The following YBEY variants were observed in gnomAD, a reference collection of about 807,000 sequenced individuals.
YBEY encodes the protein ybeY metalloendoribonuclease, also known as endoribonuclease YbeY.
Under a neutral mutation model 13.5 loss-of-function variants are expected in YBEY, and 15 were observed. That is an observed-to-expected ratio of 1.11 (90% confidence interval 0.75 to 1.72). The LOEUF is 1.72. Among genes scored for constraint, YBEY ranks in the 40% most tolerant of loss-of-function variants. YBEY has a pLI of 0.00. For missense variants in YBEY, 244 were observed against 208.4 expected (o/e 1.17, Z -1.05); for synonymous variants, 101 against 83.1 (o/e 1.21, Z -1.17).
the YBEY span, chr21:46,312,909 C>A: frequency 1.3e-6 from 1 of 752,800 alleles, no homozygotes; most frequent in Non-Finnish European, 1.6e-6. Flanking sequence ...ATATAGAACA[C>A]GTCATGAAAA....
At chr21:46,291,484 A>C in intron 3 of YBEY, 22 bp downstream of exon 3, 1 of 1,612,960 alleles carries the variant, frequency 6.2e-7, no homozygotes, top group African/African-American at 1.3e-5. Context: ...TGCTGAAATC[A>C]TATAACCTGG....
intron 2 of YBEY, among the ~76,000 whole-genome samples, chr21:46,289,808 G>A (rs1284398356): frequency 6.6e-6 from 1 of 152,176 alleles, no homozygotes; most frequent in East Asian, 1.9e-4. Flanking sequence ...ATGATCCTTG[G>A]TTGCAAAGAT....
the YBEY span, among the ~76,000 whole-genome samples, chr21:46,303,908 C>T: frequency 5.4e-5 from 8 of 148,248 alleles, no homozygotes; most frequent in African/African-American, 2.0e-4. Flanking sequence ...CCCGCCACTG[C>T]GCCCGGCTAA....
At chr21:46,304,929 A>C in the YBEY span, among the ~76,000 whole-genome samples, 1 of 152,250 alleles carries the variant, frequency 6.6e-6, no homozygotes, top group Admixed American at 6.5e-5. Flanking sequence ...AGGACATCAC[A>C]CTAAGCGAAA....
rs781359726 is a variant in YBEY at position 46,287,052 on chromosome 21, A to C, written c.139A>C (p.Ile47Leu). Residue 47 changes from isoleucine to leucine, a missense_variant, in exon 2 of 5, where the codon ATT (isoleucine) becomes CTT (leucine). By Grantham distance (5) the Ile-to-Leu change is conservative. Transcript: ENST00000397701. Reference protein sequence around the residue: ...LGIICVDNKNIQHINRIYRDR... With the variant: ...LGIICVDNKNLQHINRIYRDR... ...GATCATCTGTGTTGACAACAAGAATATTCAGCACATTAATAGAATCTACAG... is the reference window on the plus strand; with the variant it reads ...GATCATCTGTGTTGACAACAAGAATCTTCAGCACATTAATAGAATCTACAG... 1 of 1,614,050 alleles carries C rather than the reference A, an allele frequency of 6.2e-7. No homozygotes were observed. The highest frequency in any genetic ancestry group is 8.5e-7 in the Non-Finnish European group (1 of 1,180,006).
the YBEY span, chr21:46,311,420 C>T: frequency 4.7e-6 from 6 of 1,283,394 alleles, no homozygotes; most frequent in African/African-American, 1.5e-5. Flanking sequence ...TAGATAATTT[C>T]CTCAACCCAC....
chr21:46,286,909 C>T lies in YBEY; in HGVS notation c.-5C>T. On this transcript the variant is annotated 5_prime_UTR_variant, in exon 2 of 5. Transcript: ENST00000397701. ...ATTTTTAAAGGGCTGGTTATTCTTCCTGAAATGAGTTTGGTGATTAGAAAT... is the reference window on the plus strand; with the variant it reads ...ATTTTTAAAGGGCTGGTTATTCTTCTTGAAATGAGTTTGGTGATTAGAAAT... 2.5e-6 allele frequency: 4 copies of T among 1,613,656 alleles called. No individual in the cohort carries two copies. Among genetic ancestry groups the T allele is most frequent in the Non-Finnish European group, 3.4e-6 (4 of 1,179,870 alleles).
downstream of YBEY, chr21:46,302,366 G>T: frequency 1.9e-6 from 2 of 1,079,034 alleles, no homozygotes; most frequent in Non-Finnish European, 2.7e-6. Context: ...TTCACAGCCA[G>T]ACTGTAGACC....
intron 3 of YBEY, among the ~76,000 whole-genome samples, chr21:46,294,737 G>A (rs1479536874): frequency 6.7e-6 from 1 of 148,602 alleles, no homozygotes; most frequent in South Asian, 2.2e-4. Context: ...TTTTGCACAG[G>A]TGGTTTCAGC....
downstream of YBEY, among the ~76,000 whole-genome samples, chr21:46,298,665 G>A (rs1222734507): frequency 2.6e-5 from 4 of 151,754 alleles, no homozygotes; most frequent in Admixed American, 2.0e-4. Flanking sequence ...TCCTGACCTC[G>A]TGATCCGCCC....
chr21:46,309,617 C>T, the YBEY span, among the ~76,000 whole-genome samples: 4 of 152,206 alleles, frequency 2.6e-5, no homozygotes, highest in East Asian at 5.8e-4. Context: ...ATACACCCAA[C>T]GACAGTGATG....
At chr21:46,302,012 G>C (rs376835131), downstream of YBEY, 24 of 1,532,434 alleles carry the variant, frequency 1.6e-5, no homozygotes, top group African/African-American at 2.5e-4. Context: ...GGGTGGGCCA[G>C]GCGTCCACAG....
the YBEY span, among the ~76,000 whole-genome samples, chr21:46,306,484 C>T: frequency 3.3e-5 from 5 of 151,964 alleles, no homozygotes; most frequent in African/African-American, 7.3e-5. Context: ...GGCAACAGAG[C>T]GACACTCCCA....
downstream of YBEY, among the ~76,000 whole-genome samples, chr21:46,298,929 C>T (rs1300401442): frequency 6.6e-6 from 1 of 151,844 alleles, no homozygotes; most frequent in African/African-American, 2.4e-5. Flanking sequence ...GCTGTGTTGA[C>T]CAGGCTGGGC....
chr21:46,301,898 A>C (rs1049798301), downstream of YBEY: 3 of 1,338,318 alleles, frequency 2.2e-6, no homozygotes, highest in East Asian at 9.0e-5. Flanking sequence ...GGGTGGTGGC[A>C]GGGTCTCTCC....
chr21:46,289,773 A>G (rs2081618964), intron 2 of YBEY, among the ~76,000 whole-genome samples: 1 of 152,198 alleles, frequency 6.6e-6, no homozygotes, highest in Non-Finnish European at 1.5e-5. Flanking sequence ...TTTTTAAAGG[A>G]AAAAAACATA....
In YBEY at chr21:46,287,104, TTTC is replaced by T; in HGVS notation, c.194_196del (p.Ser65del). The T allele has an allele frequency of 6.2e-7, 1 of 1,605,112 alleles. No homozygotes were observed. The highest frequency in any genetic ancestry group is 1.3e-5 in the African/African-American group (1 of 74,230). Reference sequence around the variant, plus strand: ...GATAGAAATGTCCCAACCGATGTGCTTTCTTTTCCATTTCATGAGGTAAAAAAA... The same window carrying T: ...GATAGAAATGTCCCAACCGATGTGCTTTTTCCATTTCATGAGGTAAAAAAA... On this transcript the variant is annotated inframe_deletion, in exon 2 of 5. Coordinates refer to ENST00000397701, the MANE Select transcript of YBEY (RefSeq NM_001314025.2).
In YBEY at chr21:46,295,267, C is replaced by G. The variant is rs374435186; in HGVS notation, c.340-895C>G. Among the ~76,000 whole-genome samples the G allele has an allele frequency of 6.6e-5, 10 of 152,146 alleles. No homozygotes were observed. The East Asian group carries it at 1.9e-3, about 29-fold the overall frequency. The stretch of plus-strand genomic sequence containing the variant: ...CCCATCCTCATAGCCACAGGCCAGG[C>G]CAGCTCTGCTCAGGGCTGGCTCTCA... On this transcript the variant is annotated intron_variant, in intron 3 of 4. Coordinates refer to ENST00000397701, the MANE Select transcript of YBEY (RefSeq NM_001314025.2).
downstream of YBEY, chr21:46,302,209 A>C (rs1411119344): frequency 1.4e-6 from 2 of 1,425,874 alleles, no homozygotes; most frequent in Non-Finnish European, 1.8e-6. Flanking sequence ...CCCCACCTCC[A>C]CTCCCGCCCT....
Sources: gnomAD v4.1 joint callset for allele counts (sites outside exome capture counted in the v4.1 genomes callset) on GRCh38, gnomAD v4.1.1 for gene constraint, MANE v1.5 for transcripts, NCBI Gene and HGNC (gene_info 2026-07-23, HGNC 2026-07-21) for gene names.